HP: variants seen among roughly 807,000 people sequenced by gnomAD.
The protein encoded by HP is haptoglobin, also known as haptoglobin alpha(1S)-beta.
HP carries 9 observed loss-of-function variants against 23.2 expected under a neutral mutation model. That is an observed-to-expected ratio of 0.39 (90% CI 0.23 to 0.68). The LOEUF (loss-of-function observed/expected upper bound fraction) is 0.68. Among genes scored for constraint, HP ranks in the 30% least tolerant of loss-of-function variants. The pLI is 0.47. For missense variants in HP, 433 were observed against 483.6 expected (o/e 0.90, Z 0.98); for synonymous variants, 155 against 183.3 (o/e 0.85, Z 1.25).
At chr16:72,059,819 G>A in intron 6 of HP, 1 of 569,094 alleles carries the variant, frequency 1.8e-6, no homozygotes, top group Non-Finnish European at 3.0e-6. Context: ...CCTTTATTGG[G>A]ATAATTGTTT....
intron 2 of HP, 46 bp from the exon 3 acceptor site, chr16:72,056,484 G>A: frequency 7.4e-7 from 1 of 1,352,542 alleles, no homozygotes; most frequent in African/African-American, 1.5e-5. Context: ...GGTTCACTGG[G>A]AACAATTTCC....
intron 3 of HP, 70 bp downstream of exon 3, chr16:72,056,701 T>G: frequency 3.2e-6 from 2 of 624,476 alleles, no homozygotes; most frequent in Non-Finnish European, 5.0e-6. Context: ...TGATGGGTGG[T>G]GCTGAGGTGA....
rs470428 is a variant in HP, at chr16:72,060,783, A to G, written c.1114A>G (p.Thr372Ala). Residue 372 changes from threonine (T) to alanine (A), a missense_variant, in exon 7 of 7, where the codon ACT becomes GCT. This residue lies in a region of HP where 326 missense variants were observed against 358.1 expected (regional missense o/e 0.91). Transcript: ENST00000355906. ...CCTGGAGGAGGACACCTGGTATGCG[A>G]CTGGGATCTTAAGCTTTGATAAGAG... ...HDLEEDTWYA[T>A]GILSFDKSCA... 1.9e-4 allele frequency: 311 copies of G among 1,613,990 alleles called. 2 individuals are homozygous for G. The African/African-American group carries it at 3.0e-3, about 16-fold the overall frequency.
Position 72,060,448 on chromosome 16 carries a change from A to G in HP, c.779A>G (p.Glu260Gly). Residue 260 changes from glutamate (E) to glycine (G), a missense_variant, in exon 7 of 7, where the codon GAG becomes GGG. Transcript: ENST00000355906. ...CTCAAACAGAAGGTGTCTGTTAATGAGAGAGTGATGCCCATCTGCCTACCT... is the reference window on the plus strand; with the variant it reads ...CTCAAACAGAAGGTGTCTGTTAATGGGAGAGTGATGCCCATCTGCCTACCT... ...IKLKQKVSVNERVMPICLPSK... is the reference protein window; with the variant it reads ...IKLKQKVSVNGRVMPICLPSK... 6.2e-7 allele frequency: 1 copy of G among 1,614,156 alleles called. No individual in the cohort carries two copies. Among genetic ancestry groups the G allele is most frequent in the South Asian group, 1.1e-5 (1 of 91,084 alleles).
chr16:72,055,266 G>A (rs2236765), intron 1 of HP: 87,614 of 158,024 alleles, frequency 0.55, 24,757 homozygotes, highest in South Asian at 0.64. Flanking sequence ...CAGCCTCCCA[G>A]GTAGCTGGGA....
At chr16:72,059,447 A>G in intron 6 of HP, 1 of 580,408 alleles carries the variant, frequency 1.7e-6, no homozygotes, top group South Asian at 2.1e-5. Flanking sequence ...GCCTGTGCAT[A>G]CAGAGAGCCT....
Position 72,060,155 on chromosome 16 carries a change from C to T in HP, c.486C>T (p.Ile162=). ...ATCCGGCAAACCCAGTGCAGCGGAT[C>T]CTGGGTGGACACCTGGATGCCAAAG... is the stretch of plus-strand genomic sequence containing the variant. The part of the protein sequence containing the change: ...PKNPANPVQR[I]LGGHLDAKGS... The change falls in exon 7 of 7, where the codon ATC becomes ATT. Residue 162 remains isoleucine (I), a synonymous_variant. Coordinates refer to ENST00000355906, the MANE Select transcript of HP (RefSeq NM_005143.5). The T allele has an allele frequency of 6.2e-7, 1 of 1,613,856 alleles. No individual in the cohort carries two copies. The highest frequency in any genetic ancestry group is 8.5e-7 in the Non-Finnish European group (1 of 1,179,924).
In HP at chr16:72,059,323, G is replaced by C. The variant is rs1362944005; in HGVS notation, c.442+135G>C. On this transcript the variant is annotated intron_variant, in intron 6 of 6. Transcript: ENST00000355906. ...TGTGGGAGAACCGCAGCTGGCCAGGGAGAGACTTAAGCAGTTAGGTGATGA... is the reference window on the plus strand; with the variant it reads ...TGTGGGAGAACCGCAGCTGGCCAGGCAGAGACTTAAGCAGTTAGGTGATGA... 7 of 1,280,814 alleles carry C rather than the reference G, an allele frequency of 5.5e-6. No homozygotes were observed. The East Asian group carries it at 1.5e-4, about 27-fold the overall frequency. The allele number at this position is 1,280,814 out of a possible 1,614,324, so 79.3% of individuals were successfully genotyped here.
rs2041520880 is a variant in HP at position 72,060,240 on chromosome 16, C to T, written c.571C>T (p.Leu191=). 1.2e-6 allele frequency: 2 copies of T among 1,614,180 alleles called. No individual in the cohort carries two copies. Among genetic ancestry groups the T allele is most frequent in the Non-Finnish European group, 1.7e-6 (2 of 1,180,048 alleles). The part of the protein sequence containing the change: ...SHHNLTTGAT[L]INEQWLLTTA... ...CCATAATCTCACCACAGGTGCCACG[C>T]TGATCAATGAACAATGGCTGCTGAC... The change falls in exon 7 of 7, where the codon CTG becomes TTG. Residue 191 remains leucine, a synonymous_variant. Transcript: ENST00000355906.
In HP at chr16:72,060,743, C is replaced by T. The variant is rs968947010; in HGVS notation, c.1074C>T (p.Ala358=). Reference sequence around the variant, plus strand: ...CCTGCTATGGCGATGCGGGCAGTGCCTTTGCCGTTCACGACCTGGAGGAGG... The same window carrying T: ...CCTGCTATGGCGATGCGGGCAGTGCTTTTGCCGTTCACGACCTGGAGGAGG... ...EDTCYGDAGS[A]FAVHDLEEDT... is the part of the protein sequence containing the mutation. Residue 358 remains alanine, a synonymous_variant, in exon 7 of 7, where the codon GCC becomes GCT. Transcript: ENST00000355906. 2 of 1,614,028 alleles carry T rather than the reference C, an allele frequency of 1.2e-6. No individual in the cohort carries two copies. Among genetic ancestry groups the T allele is most frequent in the Non-Finnish European group, 1.7e-6 (2 of 1,180,046 alleles).
Position 72,060,586 on chromosome 16 carries a change from A to G in HP, c.917A>G (p.Gln306Arg). 6.2e-7 allele frequency: 1 copy of G among 1,614,184 alleles called. No individual in the cohort carries two copies. Residue 306 changes from glutamine (Q) to arginine (R), a missense_variant, in exon 7 of 7, where the codon CAA becomes CGA. By Grantham distance (43) the Gln-to-Arg change is conservative. Coordinates refer to ENST00000355906, the MANE Select transcript of HP (RefSeq NM_005143.5). ...LKYVMLPVADQDQCIRHYEGS... is the reference protein window; with the variant it reads ...LKYVMLPVADRDQCIRHYEGS... Reference sequence around the variant, plus strand: ...TATGTCATGCTGCCTGTGGCTGACCAAGACCAATGCATAAGGCATTATGAA... The same window carrying G: ...TATGTCATGCTGCCTGTGGCTGACCGAGACCAATGCATAAGGCATTATGAA...
intron 1 of HP, 92 bp downstream of exon 1, chr16:72,054,749 G>T (rs1288254681): frequency 6.2e-7 from 1 of 1,601,562 alleles, no homozygotes. Context: ...ATAGAACAAA[G>T]AAACGGGCAA....
rs35221786 is a variant in HP at position 72,057,243 on chromosome 16, C to T, written c.191-149C>T. On this transcript the variant is annotated intron_variant, in intron 3 of 6. Transcript: ENST00000355906. Reference sequence around the variant, plus strand: ...CTTCCAGCACAGCACTCTTTCCCTTCCTCCTTCTCATATTCTCTCTCCTTT... The same window carrying T: ...CTTCCAGCACAGCACTCTTTCCCTTTCTCCTTCTCATATTCTCTCTCCTTT... 524 of 988,286 alleles carry T rather than the reference C, an allele frequency of 5.3e-4. 68 individuals carry two copies. Among genetic ancestry groups the T allele is most frequent in the Non-Finnish European group, 7.7e-4 (503 of 652,018 alleles). The allele number at this position is 988,286 out of a possible 1,614,324, so 61.2% of individuals were successfully genotyped here.
At chr16:72,059,303 G>C in intron 6 of HP, 115 bp downstream of exon 6, 1 of 1,395,332 alleles carries the variant, frequency 7.2e-7, no homozygotes, top group Non-Finnish European at 1.0e-6. Flanking sequence ...AGGGATGTGG[G>C]AGAACCGCAG....
intron 4 of HP, 98 bp downstream of exon 4, chr16:72,057,564 C>T (rs1425441235): frequency 1.9e-6 from 1 of 529,744 alleles, no homozygotes; most frequent in African/African-American, 2.4e-5. Context: ...TCTGAGCACA[C>T]AAGAGCCAGG....
chr16:72,060,864 G>T lies in HP; in HGVS notation c.1195G>T (p.Val399Phe). ...YVKVTSIQDW[V>F]QKTIAEN is the part of the protein sequence containing the mutation. ...GAAGGTGACTTCCATCCAGGACTGGGTTCAGAAGACCATAGCTGAGAACTA... is the reference window on the plus strand; with the variant it reads ...GAAGGTGACTTCCATCCAGGACTGGTTTCAGAAGACCATAGCTGAGAACTA... The change falls in exon 7 of 7, where the codon GTT (valine) becomes TTT (phenylalanine). Residue 399 changes from valine (V) to phenylalanine (F), a missense_variant. Physicochemically the swap from Val to Phe is conservative, Grantham distance 50 (BLOSUM62 -1). Transcript: ENST00000355906. 1 of 1,600,914 alleles carries T rather than the reference G, an allele frequency of 6.2e-7. No homozygotes were observed. The highest frequency in any genetic ancestry group is 8.5e-7 in the Non-Finnish European group (1 of 1,173,602).
intron 1 of HP, chr16:72,055,825 G>T (rs984914567): frequency 3.2e-5 from 12 of 374,602 alleles, no homozygotes; most frequent in African/African-American, 2.5e-4. Flanking sequence ...TATTGCCAAT[G>T]TACTTTCCTG....
chr16:72,055,368 G>C (rs774788968), intron 1 of HP: 5 of 156,440 alleles, frequency 3.2e-5, no homozygotes, highest in Non-Finnish European at 7.1e-5. Flanking sequence ...TCGATCTCTT[G>C]ACCTCGTGAT....
rs2041519284 is a variant in HP at position 72,060,181 on chromosome 16, G to A, written c.512G>A (p.Gly171Asp). 6.2e-6 allele frequency: 10 copies of A among 1,614,056 alleles called. No individual in the cohort carries two copies. The highest frequency in any genetic ancestry group is 7.6e-6 in the Non-Finnish European group (9 of 1,180,000). The change falls in exon 7 of 7, where the codon GGC (glycine) becomes GAC (aspartate). Residue 171 changes from glycine to aspartate, a missense_variant. Gly to Asp is a moderately conservative substitution (Grantham distance 94). Around this residue, in one of 3 missense-constraint regions of HP, gnomAD observed 326 missense variants for 358.1 expected, o/e 0.91. Transcript: ENST00000355906. ...CTGGGTGGACACCTGGATGCCAAAG[G>A]CAGCTTTCCCTGGCAGGCTAAGATG... Reference protein sequence around the residue: ...RILGGHLDAKGSFPWQAKMVS... With the variant: ...RILGGHLDAKDSFPWQAKMVS...
Sources: gnomAD v4.1 joint callset for allele counts on GRCh38, gnomAD v4.1.1 for gene constraint, gnomAD v4.1.1 regional missense constraint, MANE v1.5 for transcripts, NCBI Gene and HGNC (gene_info 2026-07-23, HGNC 2026-07-21) for gene names.